Variants in SLC25A26 observed in about 807,000 individuals in gnomAD.
SLC25A26 encodes mitochondrial S-adenosylmethionine carrier protein.
In SLC25A26, 36 loss-of-function variants were observed where a neutral mutation model predicts 37.8. The ratio of observed to expected loss-of-function variants is 0.95; its 90% CI spans 0.73 to 1.26. The LOEUF is 1.26. SLC25A26 is among the 50% of genes most tolerant of loss of function. The pLI is 0.00. For missense variants in SLC25A26, 390 were observed against 331.1 expected (o/e 1.18, Z -1.38); for synonymous variants, 129 against 122.5 (o/e 1.05, Z -0.35).
chr3:66,366,391 C>T (rs1439387140), intron 7 of SLC25A26, among the ~76,000 whole-genome samples: 2 of 152,302 alleles, frequency 1.3e-5, no homozygotes, highest in Non-Finnish European at 2.9e-5. Context: ...CACAAGTCCT[C>T]CTTACAGCCT....
chr3:66,188,615 G>T, intron 1 of SLC25A26, among the ~76,000 whole-genome samples: 1 of 152,170 alleles, frequency 6.6e-6, no homozygotes, highest in South Asian at 2.1e-4. Flanking sequence ...GCTCTTGCCA[G>T]AAGCAGATGC....
chr3:66,307,569 G>T (rs1375729970), intron 5 of SLC25A26, among the ~76,000 whole-genome samples: 1 of 152,168 alleles, frequency 6.6e-6, no homozygotes, highest in Non-Finnish European at 1.5e-5. Flanking sequence ...TAATCATGAA[G>T]TCTTTGCCCA....
At chr3:66,151,645 G>A (rs974736970) in intron 1 of SLC25A26, among the ~76,000 whole-genome samples, 3 of 152,090 alleles carry the variant, frequency 2.0e-5, no homozygotes, top group Non-Finnish European at 4.4e-5. Context: ...TCCATGGAGG[G>A]ACTTACACAT....
intron 5 of SLC25A26, among the ~76,000 whole-genome samples, chr3:66,316,733 C>T (rs1575555662): frequency 6.6e-6 from 1 of 152,134 alleles, no homozygotes; most frequent in Admixed American, 6.5e-5. Context: ...GTTCCATTCT[C>T]CTTGTCTCTT....
chr3:66,184,300 A>T (rs372436237), intron 1 of SLC25A26, among the ~76,000 whole-genome samples: 1 of 151,872 alleles, frequency 6.6e-6, no homozygotes, highest in Admixed American at 6.6e-5. Flanking sequence ...CATGACCCTG[A>T]TGAAGCTATG....
At chr3:66,161,849 AC>A (rs1266930297) in intron 1 of SLC25A26, among the ~76,000 whole-genome samples, 1 of 152,184 alleles carries the variant, frequency 6.6e-6, no homozygotes, top group Non-Finnish European at 1.5e-5. Context: ...CAACTCACAC[AC>A]TAAGATGAAG....
chr3:66,332,655 G>T (rs532348167), intron 5 of SLC25A26, among the ~76,000 whole-genome samples: 1 of 151,982 alleles, frequency 6.6e-6, no homozygotes. Context: ...CAAGCCATCC[G>T]CCTGCCTTGG....
At chr3:66,185,665 C>T (rs2070812179) in intron 1 of SLC25A26, among the ~76,000 whole-genome samples, 4 of 152,116 alleles carry the variant, frequency 2.6e-5, no homozygotes. Flanking sequence ...CTGACCCTAA[C>T]CATGGCACTG....
In SLC25A26 at chr3:66,228,680, G is replaced by T. The variant is rs529670516; in HGVS notation, c.33+7553G>T. The stretch of plus-strand genomic sequence containing the variant: ...GAAACTTAATTATATAATTCCAAGT[G>T]GTGGTAACACTTAACTGTTTACTGA... On this transcript the variant is annotated intron_variant, in intron 1 of 9. Coordinates refer to ENST00000354883, the MANE Select transcript of SLC25A26 (RefSeq NM_001379210.1). 2.6e-5 allele frequency among the ~76,000 whole-genome samples: 4 copies of T among 152,266 alleles called. No individual in the cohort carries two copies. The East Asian group carries it at 7.7e-4, about 29-fold the overall frequency.
chr3:66,198,162 G>A (rs1320046433), intron 1 of SLC25A26, among the ~76,000 whole-genome samples: 3 of 152,072 alleles, frequency 2.0e-5, no homozygotes, highest in African/African-American at 2.4e-5. Flanking sequence ...TATTATCTGG[G>A]TCAGAGTCAG....
chr3:66,150,613 T>TC (rs1402511751), intron 1 of SLC25A26, among the ~76,000 whole-genome samples: 1 of 31,856 alleles, frequency 3.1e-5, no homozygotes, highest in Non-Finnish European at 5.9e-5. Context: ...GATATATATA[T>TC]ATATATATAT....
At chr3:66,136,432 G>A (rs1009924649) in intron 1 of SLC25A26, among the ~76,000 whole-genome samples, 2 of 152,202 alleles carry the variant, frequency 1.3e-5, no homozygotes, top group African/African-American at 2.4e-5. Context: ...AGACATTGAA[G>A]TTTGGAGAAA....
At chr3:66,206,308 G>A (rs1019147974) in intron 1 of SLC25A26, among the ~76,000 whole-genome samples, 1 of 152,280 alleles carries the variant, frequency 6.6e-6, no homozygotes, top group Non-Finnish European at 1.5e-5. Flanking sequence ...CCTCGAGGCA[G>A]GGTCCATTTT....
chr3:66,274,794 CTG>C (rs1261234814), intron 5 of SLC25A26, among the ~76,000 whole-genome samples: 3 of 152,100 alleles, frequency 2.0e-5, no homozygotes, highest in Non-Finnish European at 4.4e-5. Context: ...CACTTTTACA[CTG>C]TTGGTGGGGC....
At position 66,268,003 on chromosome 3, in the gene SLC25A26, G is replaced by T. The variant is rs373397128; in HGVS notation, c.453+4624G>T. Among the ~76,000 whole-genome samples, 56 of 152,180 alleles carry T rather than the reference G, an allele frequency of 3.7e-4. No individual in the cohort carries two copies. In the South Asian group the frequency reaches 0.011, roughly 31 times the overall value. On this transcript the variant is annotated intron_variant, in intron 5 of 9. Transcript: ENST00000354883. ...TCCCCCGAACACTCATGTTATATAA[G>T]TCTCCTTAGTGTTTTTCCAGAGACA... is the stretch of plus-strand genomic sequence containing the variant.
chr3:66,330,388 A>G (rs1178849487), intron 5 of SLC25A26, among the ~76,000 whole-genome samples: 1 of 152,166 alleles, frequency 6.6e-6, no homozygotes, highest in Non-Finnish European at 1.5e-5. Flanking sequence ...AGAATTTTGC[A>G]CAATTATCAG....
chr3:66,352,582 A>T (rs1216817770), intron 6 of SLC25A26, among the ~76,000 whole-genome samples: 2 of 151,228 alleles, frequency 1.3e-5, no homozygotes, highest in East Asian at 3.9e-4. Flanking sequence ...ATTTTTGAAA[A>T]TTGACAAATA....
At chr3:66,218,819 A>C (rs1298452930), upstream of SLC25A26, among the ~76,000 whole-genome samples, 1 of 152,198 alleles carries the variant, frequency 6.6e-6, no homozygotes, top group Non-Finnish European at 1.5e-5. Context: ...AGCTAGCACT[A>C]ATCTGCCAGT....
At chr3:66,152,039 G>A (rs2070216715) in intron 1 of SLC25A26, among the ~76,000 whole-genome samples, 1 of 152,218 alleles carries the variant, frequency 6.6e-6, no homozygotes. Context: ...AATTAGGGAA[G>A]CCAATAACGA....
Sources: allele counts gnomAD v4.1 joint callset (sites outside exome capture counted in the v4.1 genomes callset), GRCh38; gene constraint gnomAD v4.1.1; transcripts MANE v1.5; gene names NCBI Gene and HGNC (gene_info 2026-07-23, HGNC 2026-07-21).